NCALD: variants seen among roughly 807,000 people sequenced by gnomAD.
NCALD encodes neurocalcin-delta.
NCALD carries 10 observed loss-of-function variants against 18.6 expected under a neutral mutation model. The observed-to-expected ratio is 0.54, with a 90% CI of 0.33 to 0.91. The LOEUF (loss-of-function observed/expected upper bound fraction) is 0.91. NCALD is among the 40% of genes least tolerant of loss of function. NCALD has a pLI of 0.03. For missense variants in NCALD, 184 were observed against 247.6 expected (o/e 0.74, Z 1.72); for synonymous variants, 88 against 87.4 (o/e 1.01, Z -0.04).
At chr8:101,725,192 C>T (rs1339637740) in intron 1 of NCALD, among the ~76,000 whole-genome samples, 7 of 152,186 alleles carry the variant, frequency 4.6e-5, no homozygotes, top group Non-Finnish European at 8.8e-5. Flanking sequence ...ACATTTTTGG[C>T]CTGCACTGCT....
At chr8:101,984,740 T>C (rs1323605211) in intron 2 of NCALD, among the ~76,000 whole-genome samples, 1 of 152,186 alleles carries the variant, frequency 6.6e-6, no homozygotes, top group African/African-American at 2.4e-5. Context: ...TAAGTTTCCT[T>C]TTGAGCAAGA....
intron 1 of NCALD, among the ~76,000 whole-genome samples, chr8:102,107,489 T>C (rs1825512078): frequency 6.6e-6 from 1 of 152,068 alleles, no homozygotes; most frequent in Non-Finnish European, 1.5e-5. Flanking sequence ...GTATAATTGC[T>C]ACTCTAAAAA....
At chr8:101,692,183 A>G in intron 3 of NCALD, 1 of 985,438 alleles carries the variant, frequency 1.0e-6, no homozygotes. Context: ...TTAAGTTGGA[A>G]ATGCAACCTT....
intron 4 of NCALD, among the ~76,000 whole-genome samples, chr8:101,843,942 A>G (rs1314582): frequency 2.0e-5 from 3 of 152,224 alleles, no homozygotes; most frequent in Non-Finnish European, 4.4e-5. Flanking sequence ...AAAATAAAGT[A>G]CAGAGAAAAA....
chr8:101,730,239 T>C (rs1199091861), intron 1 of NCALD, among the ~76,000 whole-genome samples: 3 of 152,094 alleles, frequency 2.0e-5, no homozygotes, highest in African/African-American at 4.8e-5. Context: ...CTCAGCACTT[T>C]GGGAGGCCGA....
chr8:101,932,153 G>A (rs919848421), intron 2 of NCALD, among the ~76,000 whole-genome samples: 1 of 152,270 alleles, frequency 6.6e-6, no homozygotes, highest in South Asian at 2.1e-4. Flanking sequence ...ACAGTGCTCT[G>A]CCAGTTGTGT....
intron 1 of NCALD, among the ~76,000 whole-genome samples, chr8:102,050,819 T>C (rs1449408747): frequency 6.8e-6 from 1 of 146,618 alleles, no homozygotes; most frequent in Non-Finnish European, 1.5e-5. Flanking sequence ...TTAATCATTT[T>C]TAATTTAATT....
chr8:101,851,913 A>G (rs1218215869), intron 4 of NCALD, among the ~76,000 whole-genome samples: 4 of 152,184 alleles, frequency 2.6e-5, no homozygotes, highest in African/African-American at 9.7e-5. Flanking sequence ...TGATTAAGTC[A>G]TGAGGGCTCT....
intron 1 of NCALD, among the ~76,000 whole-genome samples, chr8:102,074,401 C>A (rs1824276078): frequency 6.6e-6 from 1 of 152,168 alleles, no homozygotes. Flanking sequence ...AATAGCAATC[C>A]ACCCTCTGGG....
intron 4 of NCALD, among the ~76,000 whole-genome samples, chr8:101,826,463 C>T (rs112415297): frequency 6.6e-6 from 1 of 152,128 alleles, no homozygotes; most frequent in Non-Finnish European, 1.5e-5. Context: ...GTAAGATTGA[C>T]TTTGGAGTCA....
chr8:101,840,505 A>G (rs1814600911), intron 4 of NCALD, among the ~76,000 whole-genome samples: 1 of 152,214 alleles, frequency 6.6e-6, no homozygotes, highest in Non-Finnish European at 1.5e-5. Flanking sequence ...AAGTAGGTGC[A>G]TGAAAACTTG....
chr8:101,747,585 T>G (rs1006581107), intron 1 of NCALD, among the ~76,000 whole-genome samples: 1 of 152,184 alleles, frequency 6.6e-6, no homozygotes, highest in African/African-American at 2.4e-5. Flanking sequence ...GTTGGAGTTT[T>G]TCAGACTTGT....
At chr8:101,952,996 C>T (rs550294285) in intron 2 of NCALD, among the ~76,000 whole-genome samples, 75 of 152,074 alleles carry the variant, frequency 4.9e-4, no homozygotes, top group African/African-American at 1.5e-3. Flanking sequence ...TTCATCCCCA[C>T]GGGTTTTGAG....
At chr8:102,079,150 G>T (rs1482559543) in intron 1 of NCALD, among the ~76,000 whole-genome samples, 1 of 152,140 alleles carries the variant, frequency 6.6e-6, no homozygotes, top group Non-Finnish European at 1.5e-5. Flanking sequence ...TCTGTGTTTG[G>T]GAGTTCGCTG....
chr8:102,053,199 T>C (rs775220452), intron 1 of NCALD, among the ~76,000 whole-genome samples: 1 of 152,364 alleles, frequency 6.6e-6, no homozygotes, highest in African/African-American at 2.4e-5. Context: ...TCTCATTTCA[T>C]GTCTTATGAA....
intron 1 of NCALD, among the ~76,000 whole-genome samples, chr8:102,050,168 CAAAAAAAAAAAAAA>C (rs71268541): frequency 2.2e-5 from 1 of 44,682 alleles, no homozygotes. Context: ...GACTCCGTCT[CAAAAAAAAAAAAAA>C]AAAAAAAAAA....
chr8:101,704,594 T>C (rs1815419256), intron 2 of NCALD, among the ~76,000 whole-genome samples: 1 of 152,172 alleles, frequency 6.6e-6, no homozygotes, highest in Non-Finnish European at 1.5e-5. Context: ...GGCTGTTGTA[T>C]GCCTCGTTAA....
chr8:101,829,726 G>C (rs147697831), intron 4 of NCALD, among the ~76,000 whole-genome samples: 4 of 152,242 alleles, frequency 2.6e-5, no homozygotes, highest in African/African-American at 9.6e-5. Flanking sequence ...AACTGAACCT[G>C]ACGAATACCC....
chr8:101,916,549 A>G (rs1817976728), intron 2 of NCALD, among the ~76,000 whole-genome samples: 1 of 152,178 alleles, frequency 6.6e-6, no homozygotes, highest in Non-Finnish European at 1.5e-5. Flanking sequence ...AGTGGTTTCA[A>G]TGTTCCCACT....
Sources: gnomAD v4.1 joint callset for allele counts (sites outside exome capture counted in the v4.1 genomes callset) on GRCh38, gnomAD v4.1.1 for gene constraint, MANE v1.5 for transcripts, NCBI Gene and HGNC (gene_info 2026-07-23, HGNC 2026-07-21) for gene names.